The following CYP2E1 variants were observed in gnomAD, a reference collection of about 807,000 sequenced individuals.
CYP2E1 encodes cytochrome P450 family 2 subfamily E member 1, also known as cytochrome P450 2E1.
CYP2E1 carries 31 observed loss-of-function variants against 42.9 expected under a neutral mutation model. That is an observed-to-expected ratio of 0.72 (90% CI 0.54 to 0.98). The LOEUF (loss-of-function observed/expected upper bound fraction) is 0.98, where lower values mean the gene tolerates loss of function less well. Among genes scored for constraint, CYP2E1 ranks in the 50% least tolerant of loss-of-function variants. CYP2E1 has a pLI of 0.00. For synonymous variants in CYP2E1, 244 were observed against 248.9 expected, an observed-to-expected ratio of 0.98 and a Z score of 0.19; for missense variants, 565 against 633.2, an observed-to-expected ratio of 0.89 and a Z score of 1.16.
chr10:133,528,862 G>C (rs768685890), intron 2 of CYP2E1, among the ~76,000 whole-genome samples: 2 of 152,264 alleles, frequency 1.3e-5, no homozygotes, highest in Non-Finnish European at 2.9e-5. Flanking sequence ...GCGACTGTGC[G>C]GGAGAGTTTA....
chr10:133,528,285 C>G, intron 1 of CYP2E1, 196 bp from the exon 2 acceptor site: 1 of 610,742 alleles, frequency 1.6e-6, no homozygotes, highest in South Asian at 2.1e-5. Context: ...GCTGGAACCC[C>G]CCGAGCGCCC....
At chr10:133,533,491 G>A (rs1851362907) in intron 5 of CYP2E1, among the ~76,000 whole-genome samples, 1 of 152,202 alleles carries the variant, frequency 6.6e-6, no homozygotes, top group Non-Finnish European at 1.5e-5. Flanking sequence ...ACCAAGGTCA[G>A]GGGGATCTCA....
At chr10:133,537,317 G>A in intron 7 of CYP2E1, 67 bp downstream of exon 7, 2 of 1,536,628 alleles carry the variant, frequency 1.3e-6, no homozygotes, top group African/African-American at 1.4e-5. Flanking sequence ...TTCCTGCCAG[G>A]GAGCAGGATG....
At chr10:133,532,903 G>C (rs779674453) in intron 5 of CYP2E1, 35 bp downstream of exon 5, 1 of 1,558,162 alleles carries the variant, frequency 6.4e-7, no homozygotes, top group East Asian at 2.3e-5. Flanking sequence ...GGGCTCTCCG[G>C]GGTGGGCAGA....
At chr10:133,530,046 C>T (rs1380235662) in intron 2 of CYP2E1, among the ~76,000 whole-genome samples, 1 of 152,058 alleles carries the variant, frequency 6.6e-6, no homozygotes, top group East Asian at 1.9e-4. Flanking sequence ...GGGAGGGGAG[C>T]GGAATTCACA....
In CYP2E1 at chr10:133,538,891, A is replaced by G. The variant is rs1851442173; in HGVS notation, c.1409A>G (p.Asp470Gly). ...CCTCTCGTTGACCCAAAGGATATCG[A>G]CCTCAGCCCTATACATATTGGGTTT... ...LKPLVDPKDI[D>G]LSPIHIGFGC... The change falls in exon 9 of 9, where the codon GAC becomes GGC. Residue 470 changes from aspartate (D) to glycine (G), a missense_variant. By Grantham distance (94) the Asp-to-Gly change is moderately conservative. Transcript: ENST00000252945. 1 of 1,613,940 alleles carries G rather than the reference A, an allele frequency of 6.2e-7. No homozygotes were observed. The highest frequency in any genetic ancestry group is 8.5e-7 in the Non-Finnish European group (1 of 1,179,966).
intron 6 of CYP2E1, among the ~76,000 whole-genome samples, chr10:133,534,868 A>T (rs555998202): frequency 0.014 from 1,988 of 146,802 alleles, 40 homozygotes; most frequent in African/African-American, 0.048. Flanking sequence ...TTATTTATTT[A>T]TTTTTTTTTT....
In CYP2E1 at chr10:133,532,697, C is replaced by T. The variant is rs776753572; in HGVS notation, c.654C>T (p.Tyr218=). Residue 218 remains tyrosine, a synonymous_variant, in exon 5 of 9, where the codon TAC becomes TAT. Coordinates refer to ENST00000252945, the MANE Select transcript of CYP2E1 (RefSeq NM_000773.4). ...ATATTTTTTTCCCTCTCTAGCTTTA[C>T]AATAATTTTCCCAGCTTTCTACACT... ...HLLSTPWLQL[Y]NNFPSFLHYL... The T allele has an allele frequency of 3.8e-6, 6 of 1,591,522 alleles. No individual in the cohort carries two copies. The African/African-American group carries it at 5.5e-5, about 14-fold the overall frequency.
intron 5 of CYP2E1, among the ~76,000 whole-genome samples, chr10:133,533,503 C>A (rs1362883781): frequency 6.6e-6 from 1 of 152,202 alleles, no homozygotes; most frequent in African/African-American, 2.4e-5. Context: ...GGGATCTCAC[C>A]TCTCCCAGGA....
chr10:133,533,694 T>C, intron 5 of CYP2E1, 62 bp from the exon 6 acceptor site: 1 of 1,585,416 alleles, frequency 6.3e-7, no homozygotes, highest in Non-Finnish European at 8.6e-7. Flanking sequence ...GGGAGGTGGC[T>C]GGTTCTGTGC....
intron 8 of CYP2E1, 47 bp from the exon 9 acceptor site, chr10:133,538,733 T>C (rs749435114): frequency 6.5e-7 from 1 of 1,542,300 alleles, no homozygotes; most frequent in South Asian, 1.2e-5. Context: ...CAGTGTCGTG[T>C]CTCTGAAACT....
rs2515641 is a variant in CYP2E1, at chr10:133,537,858, C to T, written c.1263C>T (p.Phe421=). ...PEHFLNENGK[F]KYSDYFKPFS... is the part of the protein sequence containing the mutation. ...ACTTCCTGAATGAAAATGGAAAGTT[C>T]AAGTACAGTGACTATTTCAAGCCAT... Residue 421 remains phenylalanine, a synonymous_variant, in exon 8 of 9, where the codon TTC becomes TTT. Coordinates refer to ENST00000252945, the MANE Select transcript of CYP2E1 (RefSeq NM_000773.4). 224,219 of 1,612,742 alleles carry T rather than the reference C, an allele frequency of 0.14. 22,115 individuals are homozygous for T. Among genetic ancestry groups the T allele is most frequent in the African/African-American group, 0.6 (45,165 of 74,756 alleles).
intron 2 of CYP2E1, among the ~76,000 whole-genome samples, chr10:133,530,704 G>T (rs1179436381): frequency 6.6e-6 from 1 of 152,124 alleles, no homozygotes; most frequent in African/African-American, 2.4e-5. Flanking sequence ...TACCCAAAAT[G>T]TATTTATTGA....
At position 133,532,825 on chromosome 10, in the gene CYP2E1, G is replaced by C; in HGVS notation, c.782G>C (p.Cys261Ser). ...KEHHQSLDPN[C>S]PRDLTDCLLV... ...CACCATCAATCTCTGGACCCCAACT[G>C]TCCCCGGGACCTCACCGACTGCCTG... Residue 261 changes from cysteine (C) to serine (S), a missense_variant, in exon 5 of 9, where the codon TGT becomes TCT. By Grantham distance (112) the Cys-to-Ser change is moderately radical (BLOSUM62 -1). Transcript: ENST00000252945. 6.2e-7 allele frequency: 1 copy of C among 1,612,538 alleles called. No individual in the cohort carries two copies. The highest frequency in any genetic ancestry group is 8.5e-7 in the Non-Finnish European group (1 of 1,179,596).
At chr10:133,535,894 T>A (rs990388915) in intron 6 of CYP2E1, among the ~76,000 whole-genome samples, 5 of 152,232 alleles carry the variant, frequency 3.3e-5, no homozygotes, top group Non-Finnish European at 7.3e-5. Context: ...GTGTTTAATA[T>A]TTTACCTGGG....
chr10:133,528,725 AAAT>A, intron 2 of CYP2E1, 85 bp downstream of exon 2: 3 of 1,497,390 alleles, frequency 2.0e-6, no homozygotes, highest in Non-Finnish European at 2.8e-6. Flanking sequence ...GGCGATGGCC[AAAT>A]AATAAACTAA....
Position 133,532,361 on chromosome 10 carries a change from T to C in CYP2E1, c.648+77T>C, listed in dbSNP as rs984838269. The C allele has an allele frequency of 2.1e-6, 3 of 1,415,868 alleles. No individual in the cohort carries two copies. In the African/African-American group the frequency reaches 4.3e-5, roughly 20 times the overall value. The allele number at this position is 1,415,868 out of a possible 1,614,324, so 87.7% of individuals were successfully genotyped here. On this transcript the variant is annotated intron_variant, in intron 4 of 8. Transcript: ENST00000252945. ...AAAAAGAAGGAAAATTTGGGTTATA[T>C]GTGATAGACAGGACTGCAAAAGCCA...
chr10:133,532,415 T>C, intron 4 of CYP2E1, 131 bp downstream of exon 4: 3 of 910,986 alleles, frequency 3.3e-6, no homozygotes, highest in Non-Finnish European at 3.3e-6. Context: ...GGTGTTTGAT[T>C]AGACAGCCCA....
intron 3 of CYP2E1, 38 bp from the exon 4 acceptor site, chr10:133,532,085 AC>A: frequency 1.9e-6 from 3 of 1,597,592 alleles, no homozygotes; most frequent in African/African-American, 1.3e-5. Flanking sequence ...GAGTCTCCTC[AC>A]CCCCATCTTC....
Sources: gnomAD v4.1 joint callset for allele counts (sites outside exome capture counted in the v4.1 genomes callset) on GRCh38, gnomAD v4.1.1 for gene constraint, MANE v1.5 for transcripts, NCBI Gene and HGNC (gene_info 2026-07-23, HGNC 2026-07-21) for gene names.